Variants in PRKG1 observed in about 807,000 individuals in gnomAD.
PRKG1 encodes protein kinase cGMP-dependent 1, also known as cGMP-dependent protein kinase 1.
Under a neutral mutation model 88.1 loss-of-function variants are expected in PRKG1, and 35 were observed. The observed-to-expected ratio is 0.40, with a 90% CI of 0.30 to 0.53. PRKG1 has a LOEUF of 0.53. Among genes scored for constraint, PRKG1 ranks in the 20% least tolerant of loss-of-function variants. The pLI is 0.59. For synonymous variants in PRKG1, 303 were observed against 292.5 expected (o/e 1.04, Z -0.37); for missense variants, 540 against 839.8 (o/e 0.64, Z 4.41).
chr10:52,040,044 A>C (rs1396774937), intron 5 of PRKG1, among the ~76,000 whole-genome samples: 2 of 152,210 alleles, frequency 1.3e-5, no homozygotes, highest in Non-Finnish European at 2.9e-5. Flanking sequence ...TCCCTCATGT[A>C]ATTTAATTCT....
intron 3 of PRKG1, among the ~76,000 whole-genome samples, chr10:51,712,972 AG>A (rs1348030423): frequency 9.0e-6 from 1 of 110,628 alleles, no homozygotes; most frequent in African/African-American, 3.5e-5. Flanking sequence ...TAACTCTATG[AG>A]GGTTTTTTTT....
At position 52,271,333 on chromosome 10, in the gene PRKG1, TTCTC is replaced by T; in HGVS notation, c.1174-13_1174-10del. ...AGTCTATGGGCTTTTTCTTACTCTCTTCTCTCTTTCTTTAAGGTCCAGTTGAAAA... is the reference window on the plus strand; with the variant it reads ...AGTCTATGGGCTTTTTCTTACTCTCTTCTTTCTTTAAGGTCCAGTTGAAAA... On this transcript the variant is annotated splice_polypyrimidine_tract_variant and intron_variant, in intron 10 of 17. Transcript: ENST00000373980. 1 of 1,609,964 alleles carries T rather than the reference TTCTC, an allele frequency of 6.2e-7. No individual in the cohort carries two copies. Among genetic ancestry groups the T allele is most frequent in the Non-Finnish European group, 8.5e-7 (1 of 1,177,046 alleles).
chr10:51,603,324 TTCAAA>T (rs1324482612), intron 3 of PRKG1, among the ~76,000 whole-genome samples: 1 of 152,128 alleles, frequency 6.6e-6, no homozygotes, highest in Non-Finnish European at 1.5e-5. Context: ...GGCCGGGACT[TTCAAA>T]TCAACTAGTT....
intron 3 of PRKG1, among the ~76,000 whole-genome samples, chr10:51,694,072 A>T (rs764675624): frequency 6.6e-6 from 1 of 152,186 alleles, no homozygotes; most frequent in Admixed American, 6.5e-5. Flanking sequence ...AGCATTCTTG[A>T]TAAGAGACTG....
intron 2 of PRKG1, among the ~76,000 whole-genome samples, chr10:51,243,421 G>A (rs537185906): frequency 2.0e-5 from 3 of 152,290 alleles, no homozygotes; most frequent in Non-Finnish European, 2.9e-5. Context: ...TCAGGGTGTA[G>A]GATCACCATT....
chr10:51,232,487 G>A (rs937631305), intron 2 of PRKG1, among the ~76,000 whole-genome samples: 1 of 152,014 alleles, frequency 6.6e-6, no homozygotes, highest in African/African-American at 2.4e-5. Context: ...ATGGATATGC[G>A]ATGTGTGTTT....
intron 2 of PRKG1, among the ~76,000 whole-genome samples, chr10:51,423,613 T>G (rs1185362597): frequency 6.6e-6 from 1 of 152,178 alleles, no homozygotes; most frequent in African/African-American, 2.4e-5. Context: ...TTGTTCCTTG[T>G]AATGATCTCA....
At chr10:51,014,759 G>C (rs182309187) in intron 1 of PRKG1, among the ~76,000 whole-genome samples, 52 of 152,232 alleles carry the variant, frequency 3.4e-4, no homozygotes, top group African/African-American at 1.2e-3. Flanking sequence ...ATATTTATGT[G>C]TCAATTAAAT....
intron 5 of PRKG1, among the ~76,000 whole-genome samples, chr10:52,034,524 G>C (rs1277014499): frequency 1.3e-5 from 2 of 151,886 alleles, no homozygotes; most frequent in African/African-American, 2.4e-5. Flanking sequence ...AGGTATAAAA[G>C]GTCTAAGAAT....
chr10:51,187,226 A>G (rs764059809), intron 2 of PRKG1, among the ~76,000 whole-genome samples: 1 of 151,760 alleles, frequency 6.6e-6, no homozygotes, highest in Non-Finnish European at 1.5e-5. Flanking sequence ...TATGAAGTTC[A>G]CTGTTAAAGT....
chr10:51,709,560 G>A (rs1841691791), intron 3 of PRKG1, among the ~76,000 whole-genome samples: 1 of 152,194 alleles, frequency 6.6e-6, no homozygotes, highest in Non-Finnish European at 1.5e-5. Flanking sequence ...TTCCTCTAGA[G>A]CTCAGCCTTT....
chr10:51,668,256 G>GA (rs1250269542), intron 3 of PRKG1, among the ~76,000 whole-genome samples: 1 of 152,166 alleles, frequency 6.6e-6, no homozygotes, highest in Non-Finnish European at 1.5e-5. Context: ...GAGCTGAATT[G>GA]AAAACCACGT....
At chr10:51,615,970 G>A (rs149462461) in intron 3 of PRKG1, among the ~76,000 whole-genome samples, 1 of 152,192 alleles carries the variant, frequency 6.6e-6, no homozygotes, top group African/African-American at 2.4e-5. Flanking sequence ...ATTTGCTTTT[G>A]TAGGGCAGGA....
intron 4 of PRKG1, among the ~76,000 whole-genome samples, chr10:51,845,649 T>G (rs1478365543): frequency 6.6e-6 from 1 of 152,182 alleles, no homozygotes; most frequent in African/African-American, 2.4e-5. Context: ...TCCAGACTTT[T>G]TTTATGTGTT....
At chr10:51,226,658 G>C (rs1202385898) in intron 2 of PRKG1, among the ~76,000 whole-genome samples, 1 of 151,996 alleles carries the variant, frequency 6.6e-6, no homozygotes, top group Non-Finnish European at 1.5e-5. Context: ...AAACTAGGAG[G>C]GTTAGTTCCT....
chr10:51,038,280 T>TGGGGTCTCTATTGCC (rs1843378107), intron 1 of PRKG1, among the ~76,000 whole-genome samples: 1 of 152,202 alleles, frequency 6.6e-6, no homozygotes. Context: ...TCAGGGTAAA[T>TGGGGTCTCTATTGCC]GGGGTCTCTA....
Position 52,271,341 on chromosome 10 carries a change from T to C in PRKG1, c.1174-9T>C. ...GGCTTTTTCTTACTCTCTTCTCTCT[T>C]TCTTTAAGGTCCAGTTGAAAAGTGA... On this transcript the variant is annotated splice_polypyrimidine_tract_variant and intron_variant, in intron 10 of 17. Transcript: ENST00000373980. The C allele has an allele frequency of 6.2e-7, 1 of 1,610,952 alleles. No individual in the cohort carries two copies. The highest frequency in any genetic ancestry group is 8.5e-7 in the Non-Finnish European group (1 of 1,177,840).
chr10:52,054,591 C>T lies in PRKG1; in HGVS notation c.840+30C>T, dbSNP rs536066003. The T allele has an allele frequency of 1.8e-5, 28 of 1,594,984 alleles. No individual in the cohort carries two copies. The South Asian group carries it at 3.0e-4, about 17-fold the overall frequency. On this transcript the variant is annotated intron_variant, in intron 6 of 17. Transcript: ENST00000373980. ...GCTTTGGTGGCACAAGACAGTGATG[C>T]ACTAGGGGAGCCTGGGGTTGGTTAG...
At chr10:51,822,830 C>G (rs1839783882) in intron 4 of PRKG1, among the ~76,000 whole-genome samples, 1 of 152,096 alleles carries the variant, frequency 6.6e-6, no homozygotes, top group Non-Finnish European at 1.5e-5. Context: ...ATGTGCATGC[C>G]TGGAGTGTAG....
Sources: gnomAD v4.1 joint callset for allele counts (sites outside exome capture counted in the v4.1 genomes callset) on GRCh38, gnomAD v4.1.1 for gene constraint, MANE v1.5 for transcripts, NCBI Gene and HGNC (gene_info 2026-07-23, HGNC 2026-07-21) for gene names.